The following FAF1 variants were observed in gnomAD, a reference collection of about 807,000 sequenced individuals.
The protein encoded by FAF1 is FAS-associated factor 1.
Under a neutral mutation model 92.5 loss-of-function variants are expected in FAF1, and 25 were observed. The observed-to-expected ratio is 0.27, with a 90% CI of 0.20 to 0.38. FAF1 has a LOEUF of 0.38. Ranked by LOEUF, FAF1 falls within the 10% of genes least tolerant of loss-of-function variation. The pLI, the probability that FAF1 is intolerant of heterozygous loss-of-function variation, is 1.00. For missense variants in FAF1, 636 were observed against 793.3 expected (o/e 0.80, Z 2.38); for synonymous variants, 234 against 273.2 (o/e 0.86, Z 1.42).
intron 17 of FAF1, among the ~76,000 whole-genome samples, chr1:50,488,959 C>T (rs1371963506): frequency 1.3e-5 from 2 of 152,166 alleles, no homozygotes; most frequent in East Asian, 3.8e-4. Flanking sequence ...TAGATACTCA[C>T]AACAGTTTTG....
At position 50,452,254 on chromosome 1, in the gene FAF1, C is replaced by T. The variant is rs112251459; in HGVS notation, c.1870-10731G>A. The T allele has an allele frequency of 7.8e-3, 6,523 of 834,914 alleles. 333 individuals are homozygous for T. The African/African-American group carries it at 0.11, about 14-fold the overall frequency. The allele number at this position is 834,914 out of a possible 1,614,324, so 51.7% of individuals were successfully genotyped here. On this transcript the variant is annotated intron_variant, in intron 18 of 18. Transcript: ENST00000396153. ...CCCGCTTTACAGAACAATTTGCAAG[C>T]TCATTGCCCCTGAAAGCATAAACTG...
chr1:50,561,894 G>GAAGT (rs1553227102), intron 13 of FAF1, among the ~76,000 whole-genome samples: 36 of 143,064 alleles, frequency 2.5e-4, no homozygotes, highest in African/African-American at 9.1e-4. Context: ...AGGAAGGAAG[G>GAAGT]AAGTTGTGTA....
chr1:50,599,459 G>C (rs1045401591), intron 8 of FAF1, among the ~76,000 whole-genome samples: 2 of 152,130 alleles, frequency 1.3e-5, no homozygotes, highest in African/African-American at 2.4e-5. Flanking sequence ...AGGCAAATCT[G>C]CTGGTACTTC....
chr1:50,950,959 A>C (rs1645209507), intron 1 of FAF1, among the ~76,000 whole-genome samples: 1 of 152,224 alleles, frequency 6.6e-6, no homozygotes. Context: ...AGCCAGGCAA[A>C]GTGACTCATG....
chr1:50,573,366 T>A (rs1481666369), intron 12 of FAF1, among the ~76,000 whole-genome samples: 3 of 152,170 alleles, frequency 2.0e-5, no homozygotes, highest in Non-Finnish European at 4.4e-5. Context: ...CCCAAAGTGC[T>A]GAGATTACAG....
At chr1:50,529,069 G>A (rs746710989) in intron 15 of FAF1, among the ~76,000 whole-genome samples, 2 of 152,144 alleles carry the variant, frequency 1.3e-5, no homozygotes, top group Non-Finnish European at 2.9e-5. Flanking sequence ...TTTTGGGGGA[G>A]TCAAAAGTTA....
At chr1:50,901,769 G>C (rs888845406) in intron 1 of FAF1, among the ~76,000 whole-genome samples, 1 of 152,054 alleles carries the variant, frequency 6.6e-6, no homozygotes, top group African/African-American at 2.4e-5. Context: ...GGAAGGTGAG[G>C]CTGGAGAATC....
At chr1:50,886,806 C>A (rs1278748) in intron 1 of FAF1, among the ~76,000 whole-genome samples, 1 of 152,148 alleles carries the variant, frequency 6.6e-6, no homozygotes, top group Non-Finnish European at 1.5e-5. Context: ...GGTTCCAAGT[C>A]TTTGCTATTG....
At chr1:50,468,750 C>T (rs534068824) in intron 18 of FAF1, among the ~76,000 whole-genome samples, 2 of 151,954 alleles carry the variant, frequency 1.3e-5, no homozygotes, top group Admixed American at 1.3e-4. Context: ...TGAGCCACCA[C>T]GCCCGGCCTA....
At chr1:50,677,157 T>C (rs1354306841) in intron 7 of FAF1, among the ~76,000 whole-genome samples, 1 of 152,146 alleles carries the variant, frequency 6.6e-6, no homozygotes, top group African/African-American at 2.4e-5. Context: ...TAACTTCACT[T>C]AGTAATTAAG....
At chr1:50,638,172 T>C (rs1654149089) in intron 8 of FAF1, among the ~76,000 whole-genome samples, 1 of 152,188 alleles carries the variant, frequency 6.6e-6, no homozygotes, top group Admixed American at 6.5e-5. Flanking sequence ...ATGACCTTGC[T>C]AATTTCACTT....
chr1:50,887,867 T>C (rs1218463460), intron 1 of FAF1, among the ~76,000 whole-genome samples: 4 of 152,228 alleles, frequency 2.6e-5, no homozygotes, highest in Non-Finnish European at 5.9e-5. Flanking sequence ...GCAGGCTCTT[T>C]TTTGGTTCCA....
chr1:50,661,089 A>T (rs1371483636), intron 7 of FAF1, among the ~76,000 whole-genome samples: 1 of 152,204 alleles, frequency 6.6e-6, no homozygotes, highest in African/African-American at 2.4e-5. Flanking sequence ...GAAAAATGGC[A>T]AATAATTTCA....
chr1:50,605,371 A>G (rs79157851), intron 8 of FAF1, among the ~76,000 whole-genome samples: 1 of 152,210 alleles, frequency 6.6e-6, no homozygotes, highest in Non-Finnish European at 1.5e-5. Context: ...AAGTTACACA[A>G]TAAGAAATAC....
At position 50,487,489 on chromosome 1, in the gene FAF1, G is replaced by T. The variant is rs74082535; in HGVS notation, c.1653+3099C>A. 9.1e-3 allele frequency among the ~76,000 whole-genome samples: 1,390 copies of T among 152,158 alleles called. 19 individuals carry two copies. Among genetic ancestry groups the T allele is most frequent in the African/African-American group, 0.032 (1,338 of 41,532 alleles). On this transcript the variant is annotated intron_variant, in intron 17 of 18. Coordinates refer to ENST00000396153, the MANE Select transcript of FAF1 (RefSeq NM_007051.3). ...TTGCATGTATTCATGTAAGTTTCTTGAAACTGATTTTGGAAAGAATAAGTA... is the reference window on the plus strand; with the variant it reads ...TTGCATGTATTCATGTAAGTTTCTTTAAACTGATTTTGGAAAGAATAAGTA...
intron 13 of FAF1, among the ~76,000 whole-genome samples, chr1:50,547,769 T>C (rs1017796574): frequency 6.6e-6 from 1 of 152,182 alleles, no homozygotes; most frequent in Non-Finnish European, 1.5e-5. Flanking sequence ...ATAACTCAAA[T>C]GCAAAAGGCT....
intron 2 of FAF1, among the ~76,000 whole-genome samples, chr1:50,824,132 A>G (rs970855179): frequency 2.0e-5 from 3 of 152,214 alleles, no homozygotes; most frequent in Admixed American, 1.3e-4. Context: ...CTAAAGTAAT[A>G]TATACTTTTA....
chr1:50,728,607 A>G (rs2124468021), intron 6 of FAF1, among the ~76,000 whole-genome samples: 1 of 152,138 alleles, frequency 6.6e-6, no homozygotes, highest in East Asian at 1.9e-4. Context: ...CCTAGCCAAC[A>G]TAGTGAAACC....
intron 7 of FAF1, among the ~76,000 whole-genome samples, chr1:50,684,167 G>A (rs1442308669): frequency 6.6e-6 from 1 of 151,802 alleles, no homozygotes; most frequent in Non-Finnish European, 1.5e-5. Context: ...GTCATAGCAG[G>A]AGTAGCTTAA....
Sources: allele counts gnomAD v4.1 joint callset (sites outside exome capture counted in the v4.1 genomes callset), GRCh38; gene constraint gnomAD v4.1.1; transcripts MANE v1.5; gene names NCBI Gene and HGNC (gene_info 2026-07-23, HGNC 2026-07-21).